The following DAB1 variants were observed in gnomAD, a reference collection of about 807,000 sequenced individuals.
DAB1 encodes DAB adaptor protein 1, also known as disabled homolog 1.
DAB1 carries 15 observed loss-of-function variants against 64.6 expected under a neutral mutation model. The observed-to-expected ratio is 0.23, with a 90% CI of 0.16 to 0.36. The LOEUF (loss-of-function observed/expected upper bound fraction) is 0.36. DAB1 is among the 10% of genes least tolerant of loss of function. The pLI is 1.00. For missense variants in DAB1, 596 were observed against 706.7 expected, an observed-to-expected ratio of 0.84 and a Z score of 1.78; for synonymous variants, 235 against 251.9, an observed-to-expected ratio of 0.93 and a Z score of 0.64.
chr1:57,541,907 G>C (rs182991437), intron 7 of DAB1, among the ~76,000 whole-genome samples: 11 of 152,244 alleles, frequency 7.2e-5, no homozygotes, highest in Admixed American at 7.2e-4. Flanking sequence ...AGCTCCTAAG[G>C]GGCAGAAATG....
intron 1 of DAB1, chr1:57,878,836 C>T (rs1490667150): frequency 6.6e-6 from 1 of 152,116 alleles, no homozygotes; most frequent in Non-Finnish European, 1.5e-5. Context: ...CTCCCTCCAT[C>T]CTTCCCAGCC....
chr1:57,318,155 CA>C lies in DAB1; in HGVS notation c.-136-26990del, dbSNP rs3042914. The stretch of plus-strand genomic sequence containing the variant: ...TGACTGAAATTTCCCAGCTGCAACT[CA>C]AAAAAAAAAAAAAAAAAAAATCCCA... On this transcript the variant is annotated intron_variant, in intron 1 of 14. Coordinates refer to ENST00000371236, the MANE Select transcript of DAB1 (RefSeq NM_001365792.1). 9.5e-3 allele frequency among the ~76,000 whole-genome samples: 986 copies of C among 103,384 alleles called. 13 individuals carry two copies. Among genetic ancestry groups the C allele is most frequent in the African/African-American group, 0.034 (883 of 26,316 alleles). The allele number at this position is 103,384 out of a possible 152,430, so 67.8% of individuals were successfully genotyped here.
intron 7 of DAB1, among the ~76,000 whole-genome samples, chr1:57,489,557 C>T (rs930983617): frequency 2.0e-5 from 3 of 152,162 alleles, no homozygotes; most frequent in Non-Finnish European, 2.9e-5. Flanking sequence ...ACAATGACCC[C>T]TGTGGTTCGA....
intron 4 of DAB1, among the ~76,000 whole-genome samples, chr1:57,105,795 C>A (rs1655089390): frequency 6.6e-6 from 1 of 152,074 alleles, no homozygotes; most frequent in African/African-American, 2.4e-5. Context: ...TTTCCTTTTC[C>A]TTTTTTATTT....
At position 57,747,376 on chromosome 1, in the gene DAB1, C is replaced by T. The variant is rs141755020; in HGVS notation, n.552-97711G>A. Among the ~76,000 whole-genome samples the T allele has an allele frequency of 3.0e-3, 452 of 152,196 alleles. 3 individuals are homozygous for T. Among genetic ancestry groups the T allele is most frequent in the African/African-American group, 0.01 (433 of 41,530 alleles). ...TACCTGAGGGGTACTTAGGACAAAG[C>T]TTTTGTCTTAATTCACACATTTGTC... On this transcript the variant is annotated intron_variant and non_coding_transcript_variant, in intron 6 of 20. Transcript: ENST00000485760.
At chr1:57,062,987 T>G (rs1650550921) in intron 8 of DAB1, 44 bp from the exon 9 acceptor site, 13 of 1,563,632 alleles carry the variant, frequency 8.3e-6, no homozygotes, top group Non-Finnish European at 1.1e-5. Context: ...ACTCTGGTAC[T>G]CCAATTTCAA....
chr1:57,528,903 C>G (rs1644628204), intron 7 of DAB1, among the ~76,000 whole-genome samples: 1 of 151,954 alleles, frequency 6.6e-6, no homozygotes, highest in South Asian at 2.1e-4. Flanking sequence ...CAGAATCACA[C>G]TACAAGAAAT....
At position 57,977,527 on chromosome 1, in the gene DAB1, G is replaced by A. The variant is rs143678283; in HGVS notation, n.388-93365C>T. Among the ~76,000 whole-genome samples the A allele has an allele frequency of 9.2e-4, 140 of 152,278 alleles. 1 individual carries two copies. Among genetic ancestry groups the A allele is most frequent in the Middle Eastern group, 3.4e-3 (1 of 294 alleles). On this transcript the variant is annotated intron_variant and non_coding_transcript_variant, in intron 5 of 20. Coordinates refer to the DAB1 transcript ENST00000485760. ...AACAAGACATCCAGGTTAAAATGCC[G>A]ACTCTGCCACTTACTAATCAATAGA...
chr1:57,796,643 AGGCTGT>A (rs149595654), intron 6 of DAB1, among the ~76,000 whole-genome samples: 4,918 of 152,144 alleles, frequency 0.032, 104 homozygotes, highest in Non-Finnish European at 0.049. Flanking sequence ...CACAAGGCAG[AGGCTGT>A]GGCTGACACC....
At chr1:57,987,912 C>A (rs916655085) in intron 5 of DAB1, among the ~76,000 whole-genome samples, 1 of 151,338 alleles carries the variant, frequency 6.6e-6, no homozygotes, top group African/African-American at 2.4e-5. Context: ...GCAAAGACAA[C>A]GAGTATACTT....
At chr1:58,311,893 C>T (rs752008893) in intron 4 of DAB1, among the ~76,000 whole-genome samples, 8 of 151,842 alleles carry the variant, frequency 5.3e-5, no homozygotes, top group Non-Finnish European at 8.8e-5. Context: ...GGGTGGGATG[C>T]TCTTATTACA....
intron 6 of DAB1, among the ~76,000 whole-genome samples, chr1:57,677,885 AT>A (rs1646586529): frequency 6.6e-6 from 1 of 152,108 alleles, no homozygotes; most frequent in South Asian, 2.1e-4. Context: ...AATACTAAAT[AT>A]TTGTCCACGG....
intron 4 of DAB1, among the ~76,000 whole-genome samples, chr1:58,180,723 T>A (rs1656747084): frequency 6.6e-6 from 1 of 152,208 alleles, no homozygotes; most frequent in African/African-American, 2.4e-5. Flanking sequence ...CTGTGATTTA[T>A]TAACTCACAG....
chr1:57,981,595 A>G (rs1182341550), intron 5 of DAB1, among the ~76,000 whole-genome samples: 2 of 152,190 alleles, frequency 1.3e-5, no homozygotes, highest in African/African-American at 4.8e-5. Context: ...ACATGTGTAT[A>G]GGGGGTTGTA....
At chr1:57,936,558 A>AT (rs954668130) in intron 5 of DAB1, among the ~76,000 whole-genome samples, 44 of 151,156 alleles carry the variant, frequency 2.9e-4, no homozygotes, top group Non-Finnish European at 2.8e-4. Flanking sequence ...CGCCCAGCTA[A>AT]TTTTTTTTTC....
intron 5 of DAB1, among the ~76,000 whole-genome samples, chr1:57,906,007 C>A (rs1323806739): frequency 6.6e-6 from 1 of 152,152 alleles, no homozygotes; most frequent in Non-Finnish European, 1.5e-5. Context: ...TCGACTGGGG[C>A]ACAATACTAC....
At chr1:57,966,708 A>G (rs1184541838) in intron 5 of DAB1, among the ~76,000 whole-genome samples, 1 of 152,194 alleles carries the variant, frequency 6.6e-6, no homozygotes, top group Non-Finnish European at 1.5e-5. Context: ...ATAATCTAAA[A>G]TTTAGGTTAA....
chr1:57,715,536 C>A (rs3131717), intron 6 of DAB1, among the ~76,000 whole-genome samples: 68,271 of 151,994 alleles, frequency 0.45, 17,678 homozygotes, highest in African/African-American at 0.73. Context: ...ATATACGTAT[C>A]GAAAACTCTG....
rs577307143 is a variant in DAB1, at chr1:57,509,869, C to T, written n.625+139723G>A. ...GTTCCCATTTAAAACAAATGACAGA[C>T]GAAAACCTTTCCTCAACCCCACATT... On this transcript the variant is annotated intron_variant and non_coding_transcript_variant, in intron 7 of 20. Coordinates refer to the DAB1 transcript ENST00000485760. Among the ~76,000 whole-genome samples, 180 of 152,284 alleles carry T rather than the reference C, an allele frequency of 1.2e-3. 1 individual carries two copies. The highest frequency in any genetic ancestry group is 4.2e-3 in the African/African-American group (173 of 41,542).
Sources: allele counts gnomAD v4.1 joint callset (sites outside exome capture counted in the v4.1 genomes callset), GRCh38; gene constraint gnomAD v4.1.1; transcripts MANE v1.5; gene names NCBI Gene and HGNC (gene_info 2026-07-23, HGNC 2026-07-21).